Variants in TRPC5 observed in about 807,000 individuals in gnomAD.
TRPC5 encodes short transient receptor potential channel 5.
Under a neutral mutation model 56.5 loss-of-function variants are expected in TRPC5, and 9 were observed. That is an observed-to-expected ratio of 0.16 (90% CI 0.10 to 0.28). The LOEUF (loss-of-function observed/expected upper bound fraction) is 0.28. Ranked by LOEUF, TRPC5 falls within the 10% of genes least tolerant of loss-of-function variation. The pLI, the probability that TRPC5 is intolerant of heterozygous loss-of-function variation, is 1.00. For synonymous variants in TRPC5, 282 were observed against 278.5 expected (o/e 1.01, Z -0.13); for missense variants, 469 against 748.9 (o/e 0.63, Z 4.36).
intron 1 of TRPC5, among the ~76,000 whole-genome samples, chrX:111,967,174 A>G (rs865935553): frequency 6.3e-5 from 7 of 111,941 alleles, no homozygotes; most frequent in Middle Eastern, 9.2e-3. Flanking sequence ...AAGCATTCTT[A>G]TAAACCAATA....
intron 10 of TRPC5, among the ~76,000 whole-genome samples, chrX:111,777,213 A>G (rs1169069015): frequency 9.0e-6 from 1 of 111,636 alleles, no homozygotes; most frequent in Non-Finnish European, 1.9e-5. Flanking sequence ...TACAATGGGT[A>G]AAGTTGATTC....
chrX:111,811,781 A>G (rs141014412), intron 7 of TRPC5, among the ~76,000 whole-genome samples: 1 of 111,369 alleles, frequency 9.0e-6, no homozygotes, highest in Non-Finnish European at 1.9e-5. Flanking sequence ...ACTCCCTGGT[A>G]TGTAGTAAGA....
chrX:111,810,787 T>A (rs928830953), intron 7 of TRPC5, among the ~76,000 whole-genome samples: 10 of 111,862 alleles, frequency 8.9e-5, no homozygotes, highest in African/African-American at 2.9e-4. Context: ...CTCTAATAAT[T>A]GTTTATCAAA....
chrX:111,934,415 C>T (rs1926507430), intron 2 of TRPC5, among the ~76,000 whole-genome samples: 1 of 111,036 alleles, frequency 9.0e-6, no homozygotes, highest in South Asian at 3.8e-4. Flanking sequence ...GCATAATAAT[C>T]ATATCAGGAT....
In TRPC5 at chrX:111,769,738, C is replaced by T. The variant is rs1427158117; in HGVS notation, c.*6575G>A. Among the ~76,000 whole-genome samples, 2 of 111,846 alleles carry T rather than the reference C, an allele frequency of 1.8e-5. No individual in the cohort carries two copies. Among genetic ancestry groups the T allele is most frequent in the Non-Finnish European group, 3.8e-5 (2 of 53,097 alleles). Reference sequence around the variant, plus strand: ...TTTATAATTGCACCTATCAAAGTGCCTATTGTGTAGTAGCACTTGAAAATG... The same window carrying T: ...TTTATAATTGCACCTATCAAAGTGCTTATTGTGTAGTAGCACTTGAAAATG... On this transcript the variant is annotated 3_prime_UTR_variant, in exon 11 of 11. Transcript: ENST00000262839.
chrX:111,997,413 T>C (rs1291769322), intron 1 of TRPC5, among the ~76,000 whole-genome samples: 3 of 111,792 alleles, frequency 2.7e-5, no homozygotes, highest in Non-Finnish European at 5.6e-5. Context: ...TCGACCTTTC[T>C]CTCTGGTTGC....
chrX:111,916,199 G>T (rs1216211203), intron 2 of TRPC5, among the ~76,000 whole-genome samples: 2 of 111,546 alleles, frequency 1.8e-5, no homozygotes, highest in Non-Finnish European at 3.8e-5. Flanking sequence ...CACAATTTGG[G>T]TCAATATGAG....
chrX:112,055,005 G>A (rs183534539), intron 1 of TRPC5, among the ~76,000 whole-genome samples: 1 of 111,842 alleles, frequency 8.9e-6, no homozygotes, highest in Non-Finnish European at 1.9e-5. Context: ...CCTAAGGGAA[G>A]CATGGAAATT....
At chrX:111,937,666 C>T (rs1295389738) in intron 2 of TRPC5, among the ~76,000 whole-genome samples, 2 of 101,556 alleles carry the variant, frequency 2.0e-5, no homozygotes, top group East Asian at 6.2e-4. Flanking sequence ...AGATATGCGG[C>T]GTTATTTCTG....
At chrX:111,846,803 A>G (rs183158216) in intron 6 of TRPC5, among the ~76,000 whole-genome samples, 2 of 112,190 alleles carry the variant, frequency 1.8e-5, no homozygotes, top group East Asian at 5.6e-4. Flanking sequence ...CCTCACCCCA[A>G]TTAATTCTTT....
In TRPC5 at chrX:111,768,968, A is replaced by T. The variant is rs1603019714; in HGVS notation, c.*7345T>A. Among the ~76,000 whole-genome samples, 1 of 98,423 alleles carries T rather than the reference A, an allele frequency of 1.0e-5. No homozygotes were observed. Among genetic ancestry groups the T allele is most frequent in the South Asian group, 3.7e-4 (1 of 2,704 alleles). 85.5% of individuals were successfully genotyped at this position (98,423 alleles called of 115,157 possible). A position where few individuals can be genotyped will look rare whatever the true frequency, so the allele number is the denominator to read the frequency against. On this transcript the variant is annotated 3_prime_UTR_variant, in exon 11 of 11. Transcript: ENST00000262839. The stretch of plus-strand genomic sequence containing the variant: ...AGGAGGTCCTACAAGGTGTGGCCAC[A>T]ACATGATGAGGCTATACTTTAAATA...
intron 1 of TRPC5, among the ~76,000 whole-genome samples, chrX:111,953,148 G>A (rs968051742): frequency 2.7e-5 from 3 of 111,816 alleles, no homozygotes; most frequent in Admixed American, 1.9e-4. Context: ...GACTCCAATA[G>A]GCCAAAGCCA....
chrX:111,784,044 T>G (rs1945940631), intron 7 of TRPC5, among the ~76,000 whole-genome samples: 1 of 112,142 alleles, frequency 8.9e-6, no homozygotes, highest in East Asian at 2.8e-4. Flanking sequence ...TCCATTGAAC[T>G]GCTTTTCCCC....
chrX:111,919,765 C>A (rs1926078320), intron 2 of TRPC5, among the ~76,000 whole-genome samples: 1 of 111,853 alleles, frequency 8.9e-6, no homozygotes, highest in African/African-American at 3.3e-5. Flanking sequence ...TTGGGCCACA[C>A]ATAAAATACA....
At chrX:112,030,572 T>C in intron 1 of TRPC5, among the ~76,000 whole-genome samples, 1 of 112,130 alleles carries the variant, frequency 8.9e-6, no homozygotes. Context: ...GTGGGGACAA[T>C]AGAAAAAAAC....
chrX:111,964,257 G>A (rs1190318553), intron 1 of TRPC5, among the ~76,000 whole-genome samples: 3 of 111,910 alleles, frequency 2.7e-5, no homozygotes, highest in Admixed American at 1.9e-4. Context: ...AATGAAGCGA[G>A]AAGGGAAGGT....
At chrX:111,927,227 G>A (rs1348519290) in intron 2 of TRPC5, among the ~76,000 whole-genome samples, 2 of 112,319 alleles carry the variant, frequency 1.8e-5, no homozygotes, top group African/African-American at 6.5e-5. Context: ...GTCACCAAGT[G>A]TAAAAGCCAA....
chrX:111,833,770 T>C (rs1157238768), intron 7 of TRPC5, among the ~76,000 whole-genome samples: 1 of 111,287 alleles, frequency 9.0e-6, no homozygotes, highest in Non-Finnish European at 1.9e-5. Context: ...CACATACACA[T>C]ATACATACAT....
intron 1 of TRPC5, among the ~76,000 whole-genome samples, chrX:112,030,931 T>C (rs1048197856): frequency 2.7e-5 from 3 of 111,520 alleles, no homozygotes; most frequent in African/African-American, 9.8e-5. Flanking sequence ...ACAAGGATCC[T>C]GCAGGGTTAT....
Sources: allele counts gnomAD v4.1 joint callset (sites outside exome capture counted in the v4.1 genomes callset), GRCh38; gene constraint gnomAD v4.1.1; transcripts MANE v1.5; gene names NCBI Gene and HGNC (gene_info 2026-07-23, HGNC 2026-07-21).